KCNIP4: variants seen among roughly 807,000 people sequenced by gnomAD.
KCNIP4 encodes the protein Kv channel-interacting protein 4.
Under a neutral mutation model 34.0 loss-of-function variants are expected in KCNIP4, and 12 were observed. That is an observed-to-expected ratio of 0.35 (90% CI 0.23 to 0.57). The LOEUF (loss-of-function observed/expected upper bound fraction) is 0.57. Ranked by LOEUF, KCNIP4 falls within the 20% of genes least tolerant of loss-of-function variation. KCNIP4 has a pLI of 0.83. For missense variants in KCNIP4, 238 were observed against 311.7 expected, an observed-to-expected ratio of 0.76 and a Z score of 1.78; for synonymous variants, 124 against 102.2, an observed-to-expected ratio of 1.21 and a Z score of -1.29.
intron 1 of KCNIP4, among the ~76,000 whole-genome samples, chr4:20,930,691 C>T (rs1428635919): frequency 1.3e-5 from 2 of 152,074 alleles, no homozygotes; most frequent in East Asian, 3.9e-4. Flanking sequence ...TGATTAAAAA[C>T]AGGCAAGGGA....
In KCNIP4 at chr4:21,501,240, T is replaced by A. The variant is rs1356157001; in HGVS notation, c.61+447331A>T. On this transcript the variant is annotated intron_variant, in intron 1 of 8. Coordinates refer to ENST00000382152, the MANE Select transcript of KCNIP4 (RefSeq NM_025221.6). ...AACTGCCTTTCTCTCTCTCTCTCTC[T>A]CTCTCTCTCACACACACACACACAC... Among the ~76,000 whole-genome samples, 1,129 of 131,790 alleles carry A rather than the reference T, an allele frequency of 8.6e-3. 11 individuals carry two copies. The highest frequency in any genetic ancestry group is 0.033 in the African/African-American group (1,084 of 32,832). The allele number at this position is 131,790 out of a possible 152,430, so 86.5% of individuals were successfully genotyped here.
chr4:21,809,892 T>C (rs938678947), intron 1 of KCNIP4, among the ~76,000 whole-genome samples: 1 of 152,216 alleles, frequency 6.6e-6, no homozygotes, highest in African/African-American at 2.4e-5. Flanking sequence ...GGGTCCTGCC[T>C]GTTTAGAACT....
intron 1 of KCNIP4, among the ~76,000 whole-genome samples, chr4:21,093,806 G>A (rs1400939700): frequency 6.6e-6 from 1 of 152,164 alleles, no homozygotes; most frequent in African/African-American, 2.4e-5. Flanking sequence ...AAGCTGGCCA[G>A]GCACGTTGGC....
At position 20,967,338 on chromosome 4, in the gene KCNIP4, AAAATGGCCATACTGCCCAAGGTAATTTGT is replaced by A. The variant is rs1183141460; in HGVS notation, c.62-84658_62-84630del. Among the ~76,000 whole-genome samples the A allele has an allele frequency of 7.2e-5, 11 of 152,334 alleles. No homozygotes were observed. The East Asian group carries it at 2.1e-3, about 29-fold the overall frequency. ...ATGGATAGGAAGAATCAATATCGTG[AAAATGGCCATACTGCCCAAGGTAATTTGT>A]AGATTCAATGCAATCCCCATCAAGC... On this transcript the variant is annotated intron_variant, in intron 1 of 8. Coordinates refer to ENST00000382152, the MANE Select transcript of KCNIP4 (RefSeq NM_025221.6).
chr4:21,619,074 C>T (rs1248018868), intron 1 of KCNIP4, among the ~76,000 whole-genome samples: 1 of 152,084 alleles, frequency 6.6e-6, no homozygotes, highest in African/African-American at 2.4e-5. Flanking sequence ...ACTGCTCACC[C>T]GATAAGTGAG....
intron 1 of KCNIP4, among the ~76,000 whole-genome samples, chr4:21,335,751 C>T (rs796624091): frequency 3.3e-5 from 5 of 152,222 alleles, no homozygotes; most frequent in African/African-American, 1.2e-4. Context: ...TGGATATTTC[C>T]CTTTGGAACT....
intron 1 of KCNIP4, among the ~76,000 whole-genome samples, chr4:21,562,273 T>C (rs927004548): frequency 6.6e-6 from 1 of 151,944 alleles, no homozygotes; most frequent in South Asian, 2.1e-4. Flanking sequence ...AAAATACTTA[T>C]TAAAACATAT....
intron 1 of KCNIP4, among the ~76,000 whole-genome samples, chr4:21,793,087 G>T (rs930435777): frequency 6.6e-6 from 1 of 152,154 alleles, no homozygotes; most frequent in Non-Finnish European, 1.5e-5. Context: ...GGCAGTCCCA[G>T]TTTTTGTTGT....
intron 1 of KCNIP4, among the ~76,000 whole-genome samples, chr4:21,139,711 T>A (rs1751792382): frequency 6.9e-6 from 1 of 145,262 alleles, no homozygotes; most frequent in Non-Finnish European, 1.5e-5. Flanking sequence ...ACAGCTCAAC[T>A]TCTTCTGCTC....
At chr4:20,845,298 T>G (rs1363166608) in intron 3 of KCNIP4, among the ~76,000 whole-genome samples, 1 of 152,146 alleles carries the variant, frequency 6.6e-6, no homozygotes, top group Non-Finnish European at 1.5e-5. Flanking sequence ...CTTAGCTGAT[T>G]AGGTAACCCT....
intron 1 of KCNIP4, among the ~76,000 whole-genome samples, chr4:21,281,244 G>A (rs553769722): frequency 5.9e-5 from 9 of 151,560 alleles, no homozygotes; most frequent in African/African-American, 1.9e-4. Context: ...GCACCACCAC[G>A]CCCAGCTAAT....
chr4:21,143,674 C>T (rs1005375553), intron 1 of KCNIP4, among the ~76,000 whole-genome samples: 2 of 151,576 alleles, frequency 1.3e-5, no homozygotes, highest in African/African-American at 4.9e-5. Context: ...TTCAATGGAC[C>T]ACTAGGCTTT....
chr4:21,338,563 C>T (rs1008031551), intron 1 of KCNIP4, among the ~76,000 whole-genome samples: 5 of 150,940 alleles, frequency 3.3e-5, no homozygotes, highest in Non-Finnish European at 5.9e-5. Flanking sequence ...GCTGGGATTG[C>T]GCCATTGCAC....
chr4:21,216,634 G>A (rs993658421), intron 1 of KCNIP4, among the ~76,000 whole-genome samples: 2 of 152,152 alleles, frequency 1.3e-5, no homozygotes, highest in Non-Finnish European at 2.9e-5. Flanking sequence ...TGAGAAGGGG[G>A]TAGAACGAGA....
intron 1 of KCNIP4, chr4:21,848,955 T>TGTGTGCGTGC (rs773201631): frequency 2.0e-5 from 3 of 150,512 alleles, no homozygotes; most frequent in African/African-American, 7.3e-5. Context: ...TATGTGTGTG[T>TGTGTGCGTGC]GTGTGTGTGT....
At chr4:21,669,287 CAG>C (rs935461124) in intron 1 of KCNIP4, among the ~76,000 whole-genome samples, 2 of 152,128 alleles carry the variant, frequency 1.3e-5, no homozygotes, top group Admixed American at 6.5e-5. Flanking sequence ...AACGTAGAGA[CAG>C]AGTCTCACTT....
At position 21,521,461 on chromosome 4, in the gene KCNIP4, A is replaced by C. The variant is rs1023284469; in HGVS notation, c.61+427110T>G. Among the ~76,000 whole-genome samples, 3 of 152,118 alleles carry C rather than the reference A, an allele frequency of 2.0e-5. No individual in the cohort carries two copies. In the South Asian group the frequency reaches 6.2e-4, roughly 32 times the overall value. On this transcript the variant is annotated intron_variant, in intron 1 of 8. Coordinates refer to ENST00000382152, the MANE Select transcript of KCNIP4 (RefSeq NM_025221.6). ...CTTTTTCTTTGATCTCTCTACTTGG[A>C]GGCTTCACAAGAATATCAAAAATAA...
intron 1 of KCNIP4, among the ~76,000 whole-genome samples, chr4:21,324,915 T>A (rs1474838818): frequency 6.6e-6 from 1 of 151,940 alleles, no homozygotes; most frequent in Non-Finnish European, 1.5e-5. Context: ...CCATTTTTTA[T>A]GTTCTTTTCA....
chr4:21,558,070 C>T (rs548344660), intron 1 of KCNIP4, among the ~76,000 whole-genome samples: 3 of 152,218 alleles, frequency 2.0e-5, no homozygotes, highest in Admixed American at 6.5e-5. Flanking sequence ...AGAGGTGTGC[C>T]GTGGCCAGCA....
Sources: gnomAD v4.1 joint callset for allele counts (sites outside exome capture counted in the v4.1 genomes callset) on GRCh38, gnomAD v4.1.1 for gene constraint, MANE v1.5 for transcripts, NCBI Gene and HGNC (gene_info 2026-07-23, HGNC 2026-07-21) for gene names.